The following HS6ST3 variants were observed in gnomAD, a reference collection of about 807,000 sequenced individuals.
HS6ST3 encodes heparan sulfate 6-O-sulfotransferase 3, also known as heparan-sulfate 6-O-sulfotransferase 3.
In HS6ST3, 12 loss-of-function variants were observed where a neutral mutation model predicts 36.7. That is an observed-to-expected ratio of 0.33 (90% CI 0.21 to 0.53). The LOEUF is 0.53. Ranked by LOEUF, HS6ST3 falls within the 20% of genes least tolerant of loss-of-function variation. The pLI, the probability that HS6ST3 is intolerant of heterozygous loss-of-function variation, is 0.95. For missense variants in HS6ST3, 584 were observed against 640.9 expected (o/e 0.91, Z 0.96); for synonymous variants, 240 against 257.5 (o/e 0.93, Z 0.65).
At position 96,524,100 on chromosome 13, in the gene HS6ST3, C is replaced by T. The variant is rs528091842; in HGVS notation, c.708-308390C>T. On this transcript the variant is annotated intron_variant, in intron 1 of 1. Transcript: ENST00000376705. ...TATTCCTTTCTGTTTGTTAGTTTTC[C>T]TTCTAACAGGCCCCTCAGCTGCAGG... 1.3e-3 allele frequency among the ~76,000 whole-genome samples: 203 copies of T among 152,246 alleles called. 1 individual carries two copies. Among genetic ancestry groups the T allele is most frequent in the Non-Finnish European group, 1.8e-3 (124 of 68,018 alleles).
intron 1 of HS6ST3, among the ~76,000 whole-genome samples, chr13:96,673,543 G>A (rs1019406237): frequency 6.6e-6 from 1 of 151,978 alleles, no homozygotes; most frequent in African/African-American, 2.4e-5. Flanking sequence ...TATTTCAGGG[G>A]TATTTTCTTT....
chr13:96,169,184 C>A (rs915588188), intron 1 of HS6ST3, among the ~76,000 whole-genome samples: 8 of 152,154 alleles, frequency 5.3e-5, no homozygotes, highest in Middle Eastern at 6.8e-3. Flanking sequence ...GAGCTCTGCC[C>A]GCCTTTTACA....
At chr13:96,291,953 T>C (rs2054831808) in intron 1 of HS6ST3, among the ~76,000 whole-genome samples, 1 of 152,192 alleles carries the variant, frequency 6.6e-6, no homozygotes, top group South Asian at 2.1e-4. Flanking sequence ...TCGTGTTCCA[T>C]AGAAAGCTAT....
intron 1 of HS6ST3, among the ~76,000 whole-genome samples, chr13:96,278,413 G>A (rs561964937): frequency 7.9e-5 from 12 of 152,118 alleles, no homozygotes; most frequent in African/African-American, 1.2e-4. Flanking sequence ...CAGTGCCACT[G>A]GCAAAACTCT....
intron 1 of HS6ST3, among the ~76,000 whole-genome samples, chr13:96,576,016 G>T (rs529560357): frequency 6.6e-6 from 1 of 152,212 alleles, no homozygotes; most frequent in Non-Finnish European, 1.5e-5. Flanking sequence ...TGTGGTGATG[G>T]TGTGGCTTCC....
intron 1 of HS6ST3, among the ~76,000 whole-genome samples, chr13:96,376,421 T>G (rs879077599): frequency 5.3e-5 from 8 of 152,274 alleles, no homozygotes; most frequent in Admixed American, 5.2e-4. Context: ...GCAAAGTGAT[T>G]CAATCCGGAC....
chr13:96,801,833 A>C (rs1184201569), intron 1 of HS6ST3, among the ~76,000 whole-genome samples: 1 of 152,128 alleles, frequency 6.6e-6, no homozygotes, highest in Non-Finnish European at 1.5e-5. Flanking sequence ...TTGGCAGGAA[A>C]CAACAGAGAA....
intron 1 of HS6ST3, among the ~76,000 whole-genome samples, chr13:96,798,471 A>G (rs904438622): frequency 2.6e-5 from 4 of 152,060 alleles, no homozygotes; most frequent in African/African-American, 9.7e-5. Context: ...AAAGACACTT[A>G]CCACTTTGAA....
intron 1 of HS6ST3, among the ~76,000 whole-genome samples, chr13:96,184,553 G>A (rs1041177141): frequency 2.0e-5 from 3 of 151,948 alleles, no homozygotes; most frequent in East Asian, 1.9e-4. Context: ...TTTCCCCTGC[G>A]GCAATGACCT....
intron 1 of HS6ST3, among the ~76,000 whole-genome samples, chr13:96,783,403 A>G (rs1037594547): frequency 5.9e-5 from 9 of 152,312 alleles, no homozygotes; most frequent in Admixed American, 2.0e-4. Context: ...AGTGTTTCAT[A>G]ACCGCAGAAA....
intron 1 of HS6ST3, among the ~76,000 whole-genome samples, chr13:96,749,198 T>A (rs909521357): frequency 6.6e-6 from 1 of 152,176 alleles, no homozygotes; most frequent in Non-Finnish European, 1.5e-5. Context: ...ACTACATTTT[T>A]TTTTATTTTG....
At chr13:96,321,946 C>G (rs1232564831) in intron 1 of HS6ST3, among the ~76,000 whole-genome samples, 1 of 152,040 alleles carries the variant, frequency 6.6e-6, no homozygotes, top group African/African-American at 2.4e-5. Context: ...ACCAAACTCC[C>G]AACAGTTCTC....
chr13:96,226,323 C>A (rs1442969012), intron 1 of HS6ST3, among the ~76,000 whole-genome samples: 1 of 152,086 alleles, frequency 6.6e-6, no homozygotes, highest in Non-Finnish European at 1.5e-5. Context: ...GAGTTCAAGA[C>A]CAGCCTGACC....
intron 1 of HS6ST3, among the ~76,000 whole-genome samples, chr13:96,821,057 A>G (rs9516762): frequency 0.2 from 30,681 of 152,222 alleles, 3,215 homozygotes; most frequent in African/African-American, 0.24. Flanking sequence ...TGCAACTGCA[A>G]TAATTCTCCC....
intron 1 of HS6ST3, among the ~76,000 whole-genome samples, chr13:96,453,596 A>T (rs534228159): frequency 6.6e-6 from 1 of 152,284 alleles, no homozygotes; most frequent in Non-Finnish European, 1.5e-5. Context: ...TAGTACACCC[A>T]TGGTGTCCTT....
At chr13:96,566,552 G>A (rs1366001927) in intron 1 of HS6ST3, among the ~76,000 whole-genome samples, 1 of 152,026 alleles carries the variant, frequency 6.6e-6, no homozygotes, top group Non-Finnish European at 1.5e-5. Context: ...ATTCTTGAAC[G>A]AGGAAAACAT....
chr13:96,602,984 T>C (rs2056426861), intron 1 of HS6ST3, among the ~76,000 whole-genome samples: 1 of 152,218 alleles, frequency 6.6e-6, no homozygotes, highest in East Asian at 1.9e-4. Context: ...TGTCATGCTA[T>C]AGCCAGGTAC....
At chr13:96,510,830 G>A (rs1424658349) in intron 1 of HS6ST3, among the ~76,000 whole-genome samples, 1 of 152,098 alleles carries the variant, frequency 6.6e-6, no homozygotes, top group East Asian at 1.9e-4. Context: ...CATTTGATGA[G>A]TTTTTGCTTT....
In HS6ST3 at chr13:96,513,029, A is replaced by G. The variant is rs549357033; in HGVS notation, c.708-319461A>G. 5.3e-5 allele frequency among the ~76,000 whole-genome samples: 8 copies of G among 152,030 alleles called. No homozygotes were observed. The East Asian group carries it at 5.8e-4, about 11-fold the overall frequency. ...TTGAGAATATCTTTCTGTTACACCA[A>G]TTGGATGATTCTAAAGTTATTGAAA... On this transcript the variant is annotated intron_variant, in intron 1 of 1. Transcript: ENST00000376705.
Sources: allele counts gnomAD v4.1 joint callset (sites outside exome capture counted in the v4.1 genomes callset), GRCh38; gene constraint gnomAD v4.1.1; transcripts MANE v1.5; gene names NCBI Gene and HGNC (gene_info 2026-07-23, HGNC 2026-07-21).